Variants in DUSP29 observed in about 807,000 individuals in gnomAD.
DUSP29 encodes the protein dual specificity phosphatase 29.
Under a neutral mutation model 13.5 loss-of-function variants are expected in DUSP29, and 12 were observed. That is an observed-to-expected ratio of 0.89 (90% CI 0.57 to 1.44). DUSP29 has a LOEUF of 1.44. DUSP29 is among the 40% of genes most tolerant of loss of function. The pLI is 0.00. For missense variants in DUSP29, 308 were observed against 301.1 expected (o/e 1.02, Z -0.17); for synonymous variants, 134 against 128.7 (o/e 1.04, Z -0.28).
intron 3 of DUSP29, among the ~76,000 whole-genome samples, chr10:75,041,206 C>T (rs1451593102): frequency 6.6e-6 from 1 of 152,208 alleles, no homozygotes; most frequent in African/African-American, 2.4e-5. Flanking sequence ...CTGCCGTCCA[C>T]TGGGTATGAA....
chr10:75,040,047 G>A (rs1336739965), intron 3 of DUSP29, among the ~76,000 whole-genome samples: 2 of 152,078 alleles, frequency 1.3e-5, no homozygotes, highest in Admixed American at 6.5e-5. Flanking sequence ...CAGGTGTGGT[G>A]GTGGGCACCT....
At chr10:75,038,530 C>T (rs942463278) in intron 3 of DUSP29, among the ~76,000 whole-genome samples, 2 of 152,138 alleles carry the variant, frequency 1.3e-5, no homozygotes, top group African/African-American at 2.4e-5. Flanking sequence ...TGGAGGCTGC[C>T]GGGCCTCTGG....
Position 75,046,803 on chromosome 10 carries a change from C to T in DUSP29, c.201-2786G>A, listed in dbSNP as rs534143675. 3.5e-4 allele frequency among the ~76,000 whole-genome samples: 54 copies of T among 152,294 alleles called. No individual in the cohort carries two copies. The East Asian group carries it at 9.1e-3, about 26-fold the overall frequency. The stretch of plus-strand genomic sequence containing the variant: ...ATTATGCTTTGGGGACGTAGATCTG[C>T]GCCCAATTAAAGCCGCCGCTAATGC... On this transcript the variant is annotated intron_variant, in intron 2 of 3. Transcript: ENST00000338487.
At chr10:75,051,899 G>A (rs750239068) in intron 2 of DUSP29, among the ~76,000 whole-genome samples, 2 of 152,188 alleles carry the variant, frequency 1.3e-5, no homozygotes, top group Non-Finnish European at 2.9e-5. Flanking sequence ...TGCAATAAGC[G>A]TCTGTGAGTC....
intron 1 of DUSP29, among the ~76,000 whole-genome samples, chr10:75,063,486 A>AAGTTGTCACCAATTAGAGGCAGG (rs1239824341): frequency 6.6e-6 from 1 of 152,008 alleles, no homozygotes; most frequent in Non-Finnish European, 1.5e-5. Context: ...CATCCCCCAG[A>AAGTTGTCACCAATTAGAGGCAGG]AGTTGTCACC....
chr10:75,058,611 T>G, intron 1 of DUSP29, 63 bp from the exon 2 acceptor site: 4 of 1,354,784 alleles, frequency 3.0e-6, no homozygotes, highest in Non-Finnish European at 4.1e-6. Context: ...GAATAGGCTT[T>G]ACAAAAAGAG....
chr10:75,058,168 T>C, intron 2 of DUSP29, 147 bp downstream of exon 2: 1 of 919,864 alleles, frequency 1.1e-6, no homozygotes, highest in Admixed American at 2.9e-5. Context: ...AGGTTTTCTG[T>C]AATGTGAAGG....
rs1564639623 is a variant in DUSP29 at position 75,044,004 on chromosome 10, C to A, written c.214G>T (p.Asp72Tyr). 1.2e-6 allele frequency: 2 copies of A among 1,610,146 alleles called. No individual in the cohort carries two copies. Among genetic ancestry groups the A allele is most frequent in the East Asian group, 2.2e-5 (1 of 44,846 alleles). ...CCCGCCTTCTGCAGCCTATAGCGGT[C>A]CAGCGCCGTCGCCCTGGGCGCAGGG... The part of the protein sequence containing the change: ...LYIGDEATAL[D>Y]RYRLQKAGFT... Residue 72 changes from aspartate to tyrosine, a missense_variant, in exon 3 of 4, where the codon GAC becomes TAC. By Grantham distance (160) the Asp-to-Tyr change is radical. Transcript: ENST00000338487.
At chr10:75,039,806 G>A (rs1309223723) in intron 3 of DUSP29, among the ~76,000 whole-genome samples, 6 of 152,192 alleles carry the variant, frequency 3.9e-5, no homozygotes, top group Non-Finnish European at 8.8e-5. Flanking sequence ...TTCTAGGTGT[G>A]TGGAAGTTCT....
At chr10:75,039,379 G>A (rs74146273) in intron 3 of DUSP29, among the ~76,000 whole-genome samples, 14,733 of 152,122 alleles carry the variant, frequency 0.097, 1,659 homozygotes, top group African/African-American at 0.28. Context: ...TTAGCCAGTC[G>A]TGGTGGTGCA....
At chr10:75,067,733 A>T (rs770689846) in intron 1 of DUSP29, among the ~76,000 whole-genome samples, 15 of 152,200 alleles carry the variant, frequency 9.9e-5, no homozygotes, top group Non-Finnish European at 1.6e-4. Flanking sequence ...GTAAACATTT[A>T]AAAAATTCTC....
intron 3 of DUSP29, among the ~76,000 whole-genome samples, chr10:75,042,662 G>A (rs1846611453): frequency 6.6e-6 from 1 of 152,246 alleles, no homozygotes; most frequent in Admixed American, 6.5e-5. Context: ...TTGGCTGTGG[G>A]GCCAGGGCCA....
chr10:75,069,887 C>CA (rs5786164), intron 1 of DUSP29, among the ~76,000 whole-genome samples: 306 of 142,400 alleles, frequency 2.1e-3, no homozygotes, highest in Non-Finnish European at 3.1e-3. Context: ...ACTAAAAATA[C>CA]AAAAAAAAAA....
At chr10:75,072,164 G>A (rs989272549) in intron 1 of DUSP29, among the ~76,000 whole-genome samples, 1 of 152,202 alleles carries the variant, frequency 6.6e-6, no homozygotes, top group Non-Finnish European at 1.5e-5. Context: ...GAAACCCCAG[G>A]ATACAGAAAT....
chr10:75,038,220 C>A, intron 3 of DUSP29, 143 bp from the exon 4 acceptor site: 1 of 1,113,658 alleles, frequency 9.0e-7, no homozygotes, highest in South Asian at 1.7e-5. Context: ...CTCTGTAGAA[C>A]GGGGACACTC....
At chr10:75,062,152 A>G (rs1194023511) in intron 1 of DUSP29, among the ~76,000 whole-genome samples, 1 of 152,220 alleles carries the variant, frequency 6.6e-6, no homozygotes, top group Non-Finnish European at 1.5e-5. Context: ...CCCTAAGAGC[A>G]TACGTAGTTA....
chr10:75,059,270 GCTC>G (rs1195141616), intron 1 of DUSP29, among the ~76,000 whole-genome samples: 1 of 152,188 alleles, frequency 6.6e-6, no homozygotes, highest in Admixed American at 6.5e-5. Flanking sequence ...AGCTTGTTAG[GCTC>G]TGCCAGTGGA....
chr10:75,061,888 T>C (rs1847095812), intron 1 of DUSP29, among the ~76,000 whole-genome samples: 1 of 152,112 alleles, frequency 6.6e-6, no homozygotes. Flanking sequence ...AAGGAATGAT[T>C]AAGGGCTGTG....
At chr10:75,052,430 C>T (rs1001323816) in intron 2 of DUSP29, among the ~76,000 whole-genome samples, 1 of 151,976 alleles carries the variant, frequency 6.6e-6, no homozygotes, top group African/African-American at 2.4e-5. Flanking sequence ...CCTCGGCCTC[C>T]CGAGTAGCTG....
Sources: allele counts gnomAD v4.1 joint callset (sites outside exome capture counted in the v4.1 genomes callset), GRCh38; gene constraint gnomAD v4.1.1; transcripts MANE v1.5; gene names NCBI Gene and HGNC (gene_info 2026-07-23, HGNC 2026-07-21).